KIF5A: variants seen among roughly 807,000 people sequenced by gnomAD.
KIF5A encodes kinesin heavy chain isoform 5A.
Under a neutral mutation model 141.3 loss-of-function variants are expected in KIF5A, and 35 were observed. The ratio of observed to expected loss-of-function variants is 0.25; its 90% CI spans 0.19 to 0.33. The LOEUF is 0.33. Among genes scored for constraint, KIF5A ranks in the 10% least tolerant of loss-of-function variants. The pLI is 1.00. For missense variants in KIF5A, 861 were observed against 1,314.3 expected, an observed-to-expected ratio of 0.66 and a Z score of 5.33; for synonymous variants, 448 against 500.2, an observed-to-expected ratio of 0.90 and a Z score of 1.39.
At chr12:57,582,201 A>G (rs571121021) in intron 26 of KIF5A, among the ~76,000 whole-genome samples, 1 of 152,090 alleles carries the variant, frequency 6.6e-6, no homozygotes, top group Non-Finnish European at 1.5e-5. Context: ...CTGTGAATAC[A>G]CCTGTGAATA....
intron 8 of KIF5A, among the ~76,000 whole-genome samples, chr12:57,568,679 C>T (rs1278393875): frequency 3.3e-5 from 5 of 151,370 alleles, no homozygotes; most frequent in African/African-American, 7.3e-5. Context: ...GAGCTGAGAT[C>T]GCACCATTGC....
intron 27 of KIF5A, 138 bp from the exon 28 acceptor site, chr12:57,582,963 G>A: frequency 1.3e-6 from 1 of 770,406 alleles, no homozygotes; most frequent in Non-Finnish European, 2.2e-6. Flanking sequence ...CTGGCCTTGA[G>A]TTTCCCTGTA....
rs771735175 is a variant in KIF5A, at chr12:57,576,164, G to A, written c.2088+13G>A. 31 of 1,613,856 alleles carry A rather than the reference G, an allele frequency of 1.9e-5. No homozygotes were observed. Among genetic ancestry groups the A allele is most frequent in the Non-Finnish European group, 2.5e-5 (30 of 1,179,810 alleles). On this transcript the variant is annotated intron_variant, in intron 18 of 28. Coordinates refer to ENST00000455537, the MANE Select transcript of KIF5A (RefSeq NM_004984.4). ...AGATGAAGTGAAGGTGAGTAAGGAA[G>A]GTGTCAGGGACAATTGGGGCCTGGT...
intron 27 of KIF5A, chr12:57,582,869 C>T (rs1251754370): frequency 1.3e-5 from 8 of 637,558 alleles, no homozygotes; most frequent in Admixed American, 5.0e-5. Context: ...AAGGTCTGGA[C>T]GAAAACAACG....
At chr12:57,560,790 C>T (rs1438746305) in intron 1 of KIF5A, among the ~76,000 whole-genome samples, 2 of 151,662 alleles carry the variant, frequency 1.3e-5, no homozygotes, top group East Asian at 3.9e-4. Flanking sequence ...TTGCTTGAGC[C>T]CAGGAGTTTG....
chr12:57,569,131 T>A, intron 9 of KIF5A, 64 bp downstream of exon 9: 1 of 1,548,484 alleles, frequency 6.5e-7, no homozygotes, highest in South Asian at 1.1e-5. Flanking sequence ...CACCTGCTAA[T>A]GCCACCATAT....
chr12:57,556,284 G>C (rs12426709), intron 1 of KIF5A, among the ~76,000 whole-genome samples: 2 of 151,894 alleles, frequency 1.3e-5, no homozygotes, highest in East Asian at 3.9e-4. Flanking sequence ...GACTACAGGC[G>C]CCTGCCACCA....
chr12:57,577,816 T>A, intron 21 of KIF5A, 43 bp downstream of exon 21: 1 of 1,512,154 alleles, frequency 6.6e-7, no homozygotes, highest in Non-Finnish European at 9.2e-7. Flanking sequence ...GACTGGGGAG[T>A]GGGGAGGCTT....
chr12:57,580,478 C>G (rs1233847106), intron 23 of KIF5A, among the ~76,000 whole-genome samples: 1 of 152,210 alleles, frequency 6.6e-6, no homozygotes, highest in Non-Finnish European at 1.5e-5. Flanking sequence ...CTGCCATGCA[C>G]AGATTCTCCT....
At chr12:57,567,425 G>A (rs895378513) in intron 7 of KIF5A, 69 bp from the exon 8 acceptor site, 77 of 1,598,404 alleles carry the variant, frequency 4.8e-5, no homozygotes, top group Non-Finnish European at 6.3e-5. Flanking sequence ...TGGGGTCAGT[G>A]GAAGCCGGGG....
chr12:57,575,057 C>T (rs957708251), intron 15 of KIF5A, 27 bp from the exon 16 acceptor site: 1 of 1,609,592 alleles, frequency 6.2e-7, no homozygotes. Context: ...AGCCAAGAAG[C>T]ATCTCTTCCT....
In KIF5A at chr12:57,577,809, T is replaced by C. The variant is rs1453331257; in HGVS notation, c.2361+36T>C. 2.0e-6 allele frequency: 3 copies of C among 1,522,514 alleles called. No individual in the cohort carries two copies. The East Asian group carries it at 6.8e-5, about 34-fold the overall frequency. The allele number at this position is 1,522,514 out of a possible 1,614,324, so 94.3% of individuals were successfully genotyped here. A position where few individuals can be genotyped will look rare whatever the true frequency, so the allele number is the denominator to read the frequency against. On this transcript the variant is annotated intron_variant, in intron 21 of 28. Transcript: ENST00000455537. Reference sequence around the variant, plus strand: ...CCCTTCTGTGCCAAATTCACAGGACTGGGGAGTGGGGAGGCTTCATTTCTT... The same window carrying C: ...CCCTTCTGTGCCAAATTCACAGGACCGGGGAGTGGGGAGGCTTCATTTCTT...
intron 1 of KIF5A, among the ~76,000 whole-genome samples, chr12:57,555,575 A>G (rs569403123): frequency 1.3e-5 from 2 of 151,598 alleles, no homozygotes; most frequent in African/African-American, 2.4e-5. Context: ...TGGGCAACAG[A>G]GCAAGACTCC....
intron 10 of KIF5A, 32 bp downstream of exon 10, chr12:57,569,436 G>A: frequency 6.2e-7 from 1 of 1,613,732 alleles, no homozygotes; most frequent in Non-Finnish European, 8.5e-7. Context: ...GGGATCCCTG[G>A]TACCCAGCTT....
intron 6 of KIF5A, among the ~76,000 whole-genome samples, chr12:57,566,807 C>T (rs1011827275): frequency 1.3e-5 from 2 of 151,836 alleles, no homozygotes; most frequent in African/African-American, 4.8e-5. Flanking sequence ...TTTGGGAGGC[C>T]AAGGCAGGCG....
rs151112146 is a variant in KIF5A at position 57,562,637 on chromosome 12, G to A, written c.130-802G>A. ...TAATGTTTCCACAGAGGCTCTCAGT[G>A]TAGACTGAATTTCATTTACATGGTA... is the stretch of plus-strand genomic sequence containing the variant. On this transcript the variant is annotated intron_variant, in intron 1 of 28. Coordinates refer to ENST00000455537, the MANE Select transcript of KIF5A (RefSeq NM_004984.4). 5.1e-3 allele frequency among the ~76,000 whole-genome samples: 781 copies of A among 152,326 alleles called. 4 individuals are homozygous for A. The highest frequency in any genetic ancestry group is 0.017 in the African/African-American group (722 of 41,570).
rs1881967937 is a variant in KIF5A at position 57,563,321 on chromosome 12, G to A, written c.130-118G>A. The A allele has an allele frequency of 3.9e-6, 3 of 767,086 alleles. No homozygotes were observed. In the South Asian group the frequency reaches 4.3e-5, roughly 11 times the overall value. The allele number at this position is 767,086 out of a possible 1,614,324, so 47.5% of individuals were successfully genotyped here. A position where few individuals can be genotyped will look rare whatever the true frequency, so the allele number is the denominator to read the frequency against. On this transcript the variant is annotated intron_variant, in intron 1 of 28. Transcript: ENST00000455537. ...CGCCCGGCCATTCTCCCACATTTCT[G>A]TTCATTAAGGGCATTGAAGAAAAGG...
chr12:57,577,631 G>A, intron 20 of KIF5A, 82 bp from the exon 21 acceptor site: 1 of 1,005,882 alleles, frequency 9.9e-7, no homozygotes, highest in East Asian at 2.4e-5. Flanking sequence ...TACTTAAATG[G>A]AGATAAAAGT....
At chr12:57,571,968 T>G (rs1882268235) in intron 13 of KIF5A, 93 bp from the exon 14 acceptor site, 3 of 999,850 alleles carry the variant, frequency 3.0e-6, no homozygotes, top group Non-Finnish European at 4.6e-6. Flanking sequence ...CTCTTTATTT[T>G]GGGTAGGGTG....
Sources: gnomAD v4.1 joint callset for allele counts (sites outside exome capture counted in the v4.1 genomes callset) on GRCh38, gnomAD v4.1.1 for gene constraint, MANE v1.5 for transcripts, NCBI Gene and HGNC (gene_info 2026-07-23, HGNC 2026-07-21) for gene names.